Variants in DNAJC5B observed in about 807,000 individuals in gnomAD.
The protein encoded by DNAJC5B is DnaJ heat shock protein family (Hsp40) member C5 beta, also known as dnaJ homolog subfamily C member 5B.
Under a neutral mutation model 24.7 loss-of-function variants are expected in DNAJC5B, and 23 were observed. That is an observed-to-expected ratio of 0.93 (90% CI 0.67 to 1.32). DNAJC5B has a LOEUF of 1.32. DNAJC5B is among the 40% of genes most tolerant of loss of function. The pLI, the probability that DNAJC5B is intolerant of heterozygous loss-of-function variation, is 0.00. For synonymous variants in DNAJC5B, 101 were observed against 90.1 expected, an observed-to-expected ratio of 1.12 and a Z score of -0.68; for missense variants, 238 against 240.8, an observed-to-expected ratio of 0.99 and a Z score of 0.08.
At chr8:66,067,067 A>T (rs1807234275) in intron 3 of DNAJC5B, among the ~76,000 whole-genome samples, 1 of 152,158 alleles carries the variant, frequency 6.6e-6, no homozygotes, top group South Asian at 2.1e-4. Flanking sequence ...TTGAAAGAAG[A>T]CAACGAAGAC....
intron 3 of DNAJC5B, among the ~76,000 whole-genome samples, chr8:66,066,779 T>C (rs1003511660): frequency 6.6e-6 from 1 of 152,138 alleles, no homozygotes; most frequent in African/African-American, 2.4e-5. Context: ...TACTCAGGTG[T>C]TGGATGCACT....
chr8:66,079,894 C>T lies in DNAJC5B; in HGVS notation c.334-483C>T, dbSNP rs895526902. On this transcript the variant is annotated intron_variant, in intron 4 of 5. Transcript: ENST00000276570. ...AGGATGCAAGAGACTTGAGGAGAGA[C>T]GCTATCCAGGACTTGGTGACCAGCA... Among the ~76,000 whole-genome samples the T allele has an allele frequency of 5.3e-5, 8 of 152,190 alleles. No individual in the cohort carries two copies. The South Asian group carries it at 8.3e-4, about 16-fold the overall frequency.
At chr8:66,018,778 G>C (rs774392695), upstream of DNAJC5B, among the ~76,000 whole-genome samples, 10 of 152,068 alleles carry the variant, frequency 6.6e-5, no homozygotes, top group Non-Finnish European at 1.5e-4. Context: ...GGTGCAGGTG[G>C]TCTGTAGAAC....
chr8:66,099,906 G>C lies in DNAJC5B; in HGVS notation c.506-31G>C, dbSNP rs1350007352. The C allele has an allele frequency of 3.1e-6, 5 of 1,588,214 alleles. No individual in the cohort carries two copies. The Admixed American group carries it at 5.1e-5, about 16-fold the overall frequency. ...TTAAAAGAACTGTAACATGATGAGAGTGTTTATTGCTTTGCTTTGTTTATT... is the reference window on the plus strand; with the variant it reads ...TTAAAAGAACTGTAACATGATGAGACTGTTTATTGCTTTGCTTTGTTTATT... On this transcript the variant is annotated intron_variant, in intron 5 of 5. Transcript: ENST00000276570.
chr8:66,059,218 A>G (rs747900666), intron 3 of DNAJC5B, among the ~76,000 whole-genome samples: 21 of 152,350 alleles, frequency 1.4e-4, no homozygotes, highest in Middle Eastern at 6.8e-3. Context: ...AGATCATGTC[A>G]CTTAATCTGA....
At chr8:66,083,505 G>T (rs999337517) in intron 5 of DNAJC5B, among the ~76,000 whole-genome samples, 2 of 152,264 alleles carry the variant, frequency 1.3e-5, no homozygotes, top group African/African-American at 2.4e-5. Flanking sequence ...TCATATAGAA[G>T]ATATAAGATT....
intron 2 of DNAJC5B, among the ~76,000 whole-genome samples, chr8:66,045,504 C>T (rs1806703296): frequency 6.6e-6 from 1 of 152,148 alleles, no homozygotes; most frequent in South Asian, 2.1e-4. Context: ...AAAGAATTAG[C>T]TAGCTACTGT....
chr8:66,045,170 T>C (rs1224684765), intron 2 of DNAJC5B, among the ~76,000 whole-genome samples: 2 of 152,246 alleles, frequency 1.3e-5, no homozygotes, highest in African/African-American at 4.8e-5. Context: ...TCTGGTCTTT[T>C]GGTTCCTTCA....
At chr8:66,052,591 A>C (rs1029884835) in intron 3 of DNAJC5B, among the ~76,000 whole-genome samples, 1 of 152,234 alleles carries the variant, frequency 6.6e-6, no homozygotes, top group Non-Finnish European at 1.5e-5. Flanking sequence ...AAGTCTAGAA[A>C]GGCCTGTCAG....
chr8:66,099,868 A>G (rs1808035248), intron 5 of DNAJC5B, 69 bp from the exon 6 acceptor site: 1 of 1,383,794 alleles, frequency 7.2e-7, no homozygotes, highest in Non-Finnish European at 1.0e-6. Context: ...AAAAATACCT[A>G]TCACTTGCTT....
Position 66,071,132 on chromosome 8 carries a change from A to G in DNAJC5B, c.120-5528A>G, listed in dbSNP as rs1444588315. On this transcript the variant is annotated intron_variant, in intron 3 of 5. Transcript: ENST00000276570. ...AAACCTAGGCAATACCATTCAGGACATAGGCATGGGCAAAGACTTCATGAC... is the reference window on the plus strand; with the variant it reads ...AAACCTAGGCAATACCATTCAGGACGTAGGCATGGGCAAAGACTTCATGAC... Among the ~76,000 whole-genome samples the G allele has an allele frequency of 5.3e-5, 8 of 152,364 alleles. No individual in the cohort carries two copies. The South Asian group carries it at 1.7e-3, about 32-fold the overall frequency.
At chr8:66,096,811 T>C (rs1271670148) in intron 5 of DNAJC5B, among the ~76,000 whole-genome samples, 1 of 152,176 alleles carries the variant, frequency 6.6e-6, no homozygotes, top group Non-Finnish European at 1.5e-5. Flanking sequence ...TTCTTTTAAA[T>C]AGAGTACTAT....
At chr8:66,060,751 C>T (rs1563598891) in intron 3 of DNAJC5B, among the ~76,000 whole-genome samples, 1 of 152,198 alleles carries the variant, frequency 6.6e-6, no homozygotes, top group Admixed American at 6.5e-5. Context: ...GTAGCAACCA[C>T]CAGTATGTCT....
At chr8:66,083,035 A>G (rs57563503) in intron 5 of DNAJC5B, among the ~76,000 whole-genome samples, 6,163 of 123,598 alleles carry the variant, frequency 0.05, 479 homozygotes, top group East Asian at 0.24. Flanking sequence ...TTTGAGATGA[A>G]GTCTCTCTCT....
the DNAJC5B span, among the ~76,000 whole-genome samples, chr8:66,015,598 A>G: frequency 6.6e-6 from 1 of 152,090 alleles, no homozygotes. Flanking sequence ...TGTGGTAGAA[A>G]TTAGCTAAAG....
At chr8:66,086,384 T>C (rs1807724423) in intron 5 of DNAJC5B, among the ~76,000 whole-genome samples, 1 of 152,194 alleles carries the variant, frequency 6.6e-6, no homozygotes, top group South Asian at 2.1e-4. Context: ...CCTCACATTT[T>C]CATTTTGAAC....
Position 66,076,661 on chromosome 8 carries a change from A to C in DNAJC5B, c.121A>C (p.Lys41Gln). The change falls in exon 4 of 6, where the codon AAA (lysine) becomes CAA (glutamine). Residue 41 changes from lysine to glutamine, a missense_variant and splice_region_variant. Physicochemically the swap from Lys to Gln is moderately conservative, Grantham distance 53. Transcript: ENST00000276570. Reference sequence around the variant, plus strand: ...CTTGTTTTTCTTTTATTTTAAAAGAAAATTGGCCCTGAAACACCATCCAGA... The same window carrying C: ...CTTGTTTTTCTTTTATTTTAAAAGACAATTGGCCCTGAAACACCATCCAGA... Reference protein sequence around the residue: ...SNEEIKKTYRKLALKHHPDKN... With the variant: ...SNEEIKKTYRQLALKHHPDKN... 1 of 1,613,864 alleles carries C rather than the reference A, an allele frequency of 6.2e-7. No individual in the cohort carries two copies. The highest frequency in any genetic ancestry group is 8.5e-7 in the Non-Finnish European group (1 of 1,179,950).
At chr8:66,098,307 A>G (rs1807998409) in intron 5 of DNAJC5B, among the ~76,000 whole-genome samples, 3 of 152,100 alleles carry the variant, frequency 2.0e-5, no homozygotes, top group Admixed American at 1.3e-4. Context: ...GGTTCAAGCA[A>G]TTCTCCTTGC....
At chr8:66,082,846 C>T (rs1807626737) in intron 5 of DNAJC5B, among the ~76,000 whole-genome samples, 1 of 151,958 alleles carries the variant, frequency 6.6e-6, no homozygotes, top group African/African-American at 2.4e-5. Context: ...CTTAACAATA[C>T]CATAAATTTC....
Sources: allele counts gnomAD v4.1 joint callset (sites outside exome capture counted in the v4.1 genomes callset), GRCh38; gene constraint gnomAD v4.1.1; transcripts MANE v1.5; gene names NCBI Gene and HGNC (gene_info 2026-07-23, HGNC 2026-07-21).